OLFM3: variants seen among roughly 807,000 people sequenced by gnomAD.
OLFM3 encodes noelin-3.
OLFM3 carries 20 observed loss-of-function variants against 48.6 expected under a neutral mutation model. The ratio of observed to expected loss-of-function variants is 0.41; its 90% CI spans 0.29 to 0.60. OLFM3 has a LOEUF of 0.60. Among genes scored for constraint, OLFM3 ranks in the 20% least tolerant of loss-of-function variants. The probability of loss-of-function intolerance (pLI) is 0.28; values close to 1 mark genes in which losing one functional copy is unlikely to be tolerated. For synonymous variants in OLFM3, 222 were observed against 198.1 expected (o/e 1.12, Z -1.01); for missense variants, 437 against 544.3 (o/e 0.80, Z 1.96).
At chr1:101,875,559 T>C (rs1194369590) in intron 1 of OLFM3, among the ~76,000 whole-genome samples, 1 of 151,932 alleles carries the variant, frequency 6.6e-6, no homozygotes, top group African/African-American at 2.4e-5. Flanking sequence ...AGTCTGTTAA[T>C]TAAAAAAATA....
At chr1:101,933,654 C>T (rs61285779) in intron 1 of OLFM3, among the ~76,000 whole-genome samples, 10,825 of 152,034 alleles carry the variant, frequency 0.071, 463 homozygotes, top group South Asian at 0.14. Flanking sequence ...CTCTAAGGCA[C>T]ATAATCACCA....
chr1:101,881,227 C>T (rs563035829), intron 1 of OLFM3, among the ~76,000 whole-genome samples: 13 of 151,796 alleles, frequency 8.6e-5, no homozygotes, highest in Non-Finnish European at 1.8e-4. Context: ...CTTGTTTTAG[C>T]CTATTAAGTT....
chr1:101,888,549 A>T (rs1657863460), intron 1 of OLFM3, among the ~76,000 whole-genome samples: 1 of 152,188 alleles, frequency 6.6e-6, no homozygotes, highest in Non-Finnish European at 1.5e-5. Flanking sequence ...TAAAAACCCT[A>T]GAAGAAAACC....
At chr1:101,944,153 C>T (rs1427178885) in intron 1 of OLFM3, among the ~76,000 whole-genome samples, 1 of 151,424 alleles carries the variant, frequency 6.6e-6, no homozygotes, top group Non-Finnish European at 1.5e-5. Flanking sequence ...TAATCTGTGC[C>T]TACTTCTATG....
intron 1 of OLFM3, among the ~76,000 whole-genome samples, chr1:101,847,615 A>G (rs1656060756): frequency 6.6e-6 from 1 of 152,196 alleles, no homozygotes; most frequent in African/African-American, 2.4e-5. Flanking sequence ...TGTGGCAAAC[A>G]TTACCTTTAG....
At chr1:101,982,675 G>T (rs1316985152) in intron 1 of OLFM3, among the ~76,000 whole-genome samples, 3 of 152,176 alleles carry the variant, frequency 2.0e-5, no homozygotes, top group Admixed American at 2.0e-4. Context: ...GAGCAGAAGA[G>T]AACTGCACCT....
chr1:101,896,853 C>T (rs992034856), intron 1 of OLFM3, among the ~76,000 whole-genome samples: 2 of 151,928 alleles, frequency 1.3e-5, no homozygotes, highest in Admixed American at 6.6e-5. Flanking sequence ...CATTCCTTGG[C>T]TTCATTTGAC....
At chr1:101,827,824 T>A (rs1379754071) in intron 3 of OLFM3, among the ~76,000 whole-genome samples, 1 of 152,192 alleles carries the variant, frequency 6.6e-6, no homozygotes. Context: ...TTACTCAACC[T>A]CTTTGATATG....
At chr1:101,844,116 C>T (rs1345745157) in intron 1 of OLFM3, among the ~76,000 whole-genome samples, 1 of 152,126 alleles carries the variant, frequency 6.6e-6, no homozygotes, top group Non-Finnish European at 1.5e-5. Flanking sequence ...GTAAGGGTCC[C>T]TTGGAATTAT....
chr1:101,953,831 T>C (rs1400209235), intron 1 of OLFM3, among the ~76,000 whole-genome samples: 6 of 152,160 alleles, frequency 3.9e-5, no homozygotes, highest in Non-Finnish European at 2.9e-5. Context: ...GCACGGGCTG[T>C]ATTAGTCCCT....
rs1202816525 is a variant in OLFM3 at position 101,934,414 on chromosome 1, A to T, written c.69+62334T>A. 3.3e-5 allele frequency among the ~76,000 whole-genome samples: 5 copies of T among 152,358 alleles called. No individual in the cohort carries two copies. In the East Asian group the frequency reaches 7.7e-4, roughly 23 times the overall value. On this transcript the variant is annotated intron_variant, in intron 1 of 5. Coordinates refer to ENST00000370103, the MANE Select transcript of OLFM3 (RefSeq NM_058170.4). ...GTAAGGGGTTCAATTCAACAAGAAG[A>T]GTTGGCTATCCTAAATATATGTGCA...
intron 1 of OLFM3, among the ~76,000 whole-genome samples, chr1:101,883,337 A>C (rs989733580): frequency 1.3e-5 from 2 of 150,564 alleles, no homozygotes; most frequent in East Asian, 1.9e-4. Flanking sequence ...TATATACTCT[A>C]TATATACACA....
chr1:101,919,478 G>A (rs1472345568), intron 1 of OLFM3, among the ~76,000 whole-genome samples: 1 of 152,172 alleles, frequency 6.6e-6, no homozygotes, highest in Admixed American at 6.5e-5. Context: ...GGACCTCTCA[G>A]TAGCATTCAA....
chr1:101,828,058 C>CTG (rs1192987517), intron 3 of OLFM3, among the ~76,000 whole-genome samples: 38 of 122,412 alleles, frequency 3.1e-4, no homozygotes, highest in African/African-American at 1.0e-3. Flanking sequence ...CTGTCTCTCT[C>CTG]TCTCTCTGTC....
intron 1 of OLFM3, among the ~76,000 whole-genome samples, chr1:101,919,268 C>T (rs1351281912): frequency 6.6e-6 from 1 of 151,876 alleles, no homozygotes; most frequent in African/African-American, 2.4e-5. Context: ...CTCTATTATC[C>T]CATTTCTCTG....
intron 1 of OLFM3, among the ~76,000 whole-genome samples, chr1:101,983,433 G>A (rs1294076241): frequency 6.6e-6 from 1 of 152,194 alleles, no homozygotes; most frequent in African/African-American, 2.4e-5. Flanking sequence ...CATGGGACAT[G>A]TCATCCAGTA....
intron 4 of OLFM3, among the ~76,000 whole-genome samples, chr1:101,811,463 G>C (rs1654045932): frequency 6.6e-6 from 1 of 151,966 alleles, no homozygotes; most frequent in South Asian, 2.1e-4. Flanking sequence ...AATATCCAGA[G>C]CCTAAAGGAA....
intron 1 of OLFM3, among the ~76,000 whole-genome samples, chr1:101,962,043 A>G (rs907332561): frequency 6.6e-6 from 1 of 152,132 alleles, no homozygotes; most frequent in Non-Finnish European, 1.5e-5. Context: ...TTTTTTTAAG[A>G]ACAATTTCCG....
chr1:101,955,915 TG>T (rs1660274394), intron 1 of OLFM3, among the ~76,000 whole-genome samples: 4 of 151,810 alleles, frequency 2.6e-5, no homozygotes, highest in Non-Finnish European at 4.4e-5. Context: ...CTCCTATTCT[TG>T]TATTCTTTAC....
Sources: gnomAD v4.1 joint callset for allele counts (sites outside exome capture counted in the v4.1 genomes callset) on GRCh38, gnomAD v4.1.1 for gene constraint, MANE v1.5 for transcripts, NCBI Gene and HGNC (gene_info 2026-07-23, HGNC 2026-07-21) for gene names.